The following NLGN1 variants were observed in gnomAD, a reference collection of about 807,000 sequenced individuals.
NLGN1 encodes neuroligin 1.
Under a neutral mutation model 65.5 loss-of-function variants are expected in NLGN1, and 12 were observed. The ratio of observed to expected loss-of-function variants is 0.18; its 90% CI spans 0.12 to 0.30. The LOEUF (loss-of-function observed/expected upper bound fraction) is 0.30. Among genes scored for constraint, NLGN1 ranks in the 10% least tolerant of loss-of-function variants. The pLI is 1.00. For missense variants in NLGN1, 750 were observed against 1,007.1 expected (o/e 0.74, Z 3.46); for synonymous variants, 350 against 359.5 (o/e 0.97, Z 0.30).
intron 2 of NLGN1, among the ~76,000 whole-genome samples, chr3:173,560,796 G>A (rs1279914346): frequency 6.6e-6 from 1 of 152,030 alleles, no homozygotes; most frequent in Non-Finnish European, 1.5e-5. Context: ...TTCACATCTG[G>A]AAAACCCTTT....
intron 3 of NLGN1, among the ~76,000 whole-genome samples, chr3:173,772,442 AC>A (rs1779723261): frequency 6.6e-6 from 1 of 151,928 alleles, no homozygotes; most frequent in African/African-American, 2.4e-5. Context: ...ACATGGTGAA[AC>A]CCCACCTCTA....
chr3:174,047,143 G>A (rs2152497723), intron 4 of NLGN1, among the ~76,000 whole-genome samples: 2 of 151,918 alleles, frequency 1.3e-5, no homozygotes, highest in South Asian at 4.2e-4. Flanking sequence ...TTAAATATTA[G>A]TATTTATTTG....
chr3:174,100,382 A>G (rs1712143081), intron 4 of NLGN1, among the ~76,000 whole-genome samples: 1 of 152,120 alleles, frequency 6.6e-6, no homozygotes, highest in Non-Finnish European at 1.5e-5. Flanking sequence ...TATTTTATTG[A>G]GCTCTACCCC....
At chr3:173,431,578 A>G (rs574808130) in intron 1 of NLGN1, among the ~76,000 whole-genome samples, 23 of 152,196 alleles carry the variant, frequency 1.5e-4, no homozygotes, top group African/African-American at 5.3e-4. Context: ...TTTTAGAGCA[A>G]TTTTACATTT....
At chr3:173,491,300 A>C (rs13084962) in intron 2 of NLGN1, among the ~76,000 whole-genome samples, 72,540 of 151,644 alleles carry the variant, frequency 0.48, 19,999 homozygotes, top group East Asian at 0.81. Flanking sequence ...AGTTTTTAGC[A>C]TGAAGAGCTG....
intron 4 of NLGN1, among the ~76,000 whole-genome samples, chr3:173,932,951 G>C (rs1288854544): frequency 6.6e-6 from 1 of 152,106 alleles, no homozygotes; most frequent in Non-Finnish European, 1.5e-5. Context: ...CTGAAATTAA[G>C]AAATATTAAT....
chr3:173,423,729 T>C (rs1362122294), intron 1 of NLGN1, among the ~76,000 whole-genome samples: 1 of 152,170 alleles, frequency 6.6e-6, no homozygotes, highest in Non-Finnish European at 1.5e-5. Context: ...GTGGCTGCTT[T>C]CACAAGCTGG....
chr3:173,497,072 T>C (rs532169507), intron 2 of NLGN1, among the ~76,000 whole-genome samples: 5 of 152,050 alleles, frequency 3.3e-5, no homozygotes, highest in South Asian at 2.1e-4. Context: ...TGACTTACTT[T>C]GCCATTGTTT....
chr3:173,917,923 G>C (rs1259602731), intron 4 of NLGN1, among the ~76,000 whole-genome samples: 1 of 151,016 alleles, frequency 6.6e-6, no homozygotes, highest in Non-Finnish European at 1.5e-5. Context: ...AAATCAACAG[G>C]CTATGGTTCA....
rs141574768 is a variant in NLGN1, at chr3:174,154,896, A to G, written c.647-120419A>G. ...ATAGTAGATAGATATAAAGATTTTC[A>G]TTTTCATTTTATATTAAGATATTTA... On this transcript the variant is annotated intron_variant, in intron 4 of 6. Transcript: ENST00000457714. 2.8e-3 allele frequency among the ~76,000 whole-genome samples: 276 copies of G among 100,100 alleles called. 4 individuals carry two copies. Among genetic ancestry groups the G allele is most frequent in the African/African-American group, 0.012 (252 of 20,794 alleles). 65.7% of individuals were successfully genotyped at this position (100,100 alleles called of 152,430 possible). A position where few individuals can be genotyped will look rare whatever the true frequency, so the allele number is the denominator to read the frequency against.
At chr3:173,783,020 G>GTA in intron 3 of NLGN1, among the ~76,000 whole-genome samples, 1 of 143,826 alleles carries the variant, frequency 7.0e-6, no homozygotes, top group East Asian at 2.0e-4. Flanking sequence ...AAATATATAT[G>GTA]TATAATTTAT....
chr3:174,257,479 C>G (rs987809054), intron 4 of NLGN1, among the ~76,000 whole-genome samples: 1 of 152,020 alleles, frequency 6.6e-6, no homozygotes, highest in African/African-American at 2.4e-5. Context: ...CAGCACTATT[C>G]GCAAATAGCA....
chr3:173,730,328 C>CA (rs1057263582), intron 3 of NLGN1, among the ~76,000 whole-genome samples: 4 of 137,476 alleles, frequency 2.9e-5, no homozygotes, highest in African/African-American at 5.7e-5. Flanking sequence ...CCGCTCCCCC[C>CA]CCCCCGCAAA....
exon 7 of NLGN1, chr3:174,281,078 A>T: frequency 6.2e-7 from 1 of 1,613,384 alleles, no homozygotes; most frequent in Non-Finnish European, 8.5e-7. Flanking sequence ...CCATTCATCC[A>T]CATGAGGTGG....
intron 3 of NLGN1, among the ~76,000 whole-genome samples, chr3:173,752,749 G>C (rs1275934794): frequency 1.3e-5 from 2 of 151,992 alleles, no homozygotes; most frequent in African/African-American, 4.8e-5. Context: ...GTGGTTTTCA[G>C]ACTGCCCAGT....
In NLGN1 at chr3:173,882,186, T is replaced by C. The variant is rs184865481; in HGVS notation, c.646+74354T>C. The stretch of plus-strand genomic sequence containing the variant: ...TGGCTTTTAAATATTCAATAAGCCA[T>C]GCTATAAACAGATATTCTATCATCC... On this transcript the variant is annotated intron_variant, in intron 4 of 6. Coordinates refer to ENST00000457714, the Ensembl canonical transcript of NLGN1. Among the ~76,000 whole-genome samples, 6 of 152,332 alleles carry C rather than the reference T, an allele frequency of 3.9e-5. No homozygotes were observed. In the East Asian group the frequency reaches 1.2e-3, roughly 29 times the overall value.
chr3:174,009,397 G>A (rs1725067436), intron 4 of NLGN1, among the ~76,000 whole-genome samples: 1 of 152,086 alleles, frequency 6.6e-6, no homozygotes, highest in African/African-American at 2.4e-5. Context: ...GCAATTGAGT[G>A]TTTATTATAT....
At chr3:174,017,728 G>A (rs1302487092) in intron 4 of NLGN1, among the ~76,000 whole-genome samples, 4 of 152,098 alleles carry the variant, frequency 2.6e-5, no homozygotes, top group Non-Finnish European at 5.9e-5. Flanking sequence ...TTTTCAAAAG[G>A]GGAGGGAGTG....
At chr3:174,060,205 A>T (rs73880328) in intron 4 of NLGN1, among the ~76,000 whole-genome samples, 3,663 of 152,170 alleles carry the variant, frequency 0.024, 162 homozygotes, top group African/African-American at 0.083. Context: ...GGTTCAGCTG[A>T]TGAAATGGTG....
Sources: gnomAD v4.1 joint callset for allele counts (sites outside exome capture counted in the v4.1 genomes callset) on GRCh38, gnomAD v4.1.1 for gene constraint, MANE v1.5 for transcripts, NCBI Gene and HGNC (gene_info 2026-07-23, HGNC 2026-07-21) for gene names.